PARP4: variants seen among roughly 807,000 people sequenced by gnomAD.
PARP4 encodes the protein protein mono-ADP-ribosyltransferase PARP4.
Under a neutral mutation model 187.7 loss-of-function variants are expected in PARP4, and 120 were observed. That is an observed-to-expected ratio of 0.64 (90% confidence interval 0.55 to 0.74). PARP4 has a LOEUF of 0.74. PARP4 is among the 30% of genes least tolerant of loss of function. PARP4 has a pLI of 0.00. For missense variants in PARP4, 1,836 were observed against 2,070.5 expected (o/e 0.89, Z 2.20); for synonymous variants, 654 against 740.9 (o/e 0.88, Z 1.90).
At chr13:24,431,316 A>G (rs1228948311) in intron 32 of PARP4, 61 bp downstream of exon 32, 2 of 876,712 alleles carry the variant, frequency 2.3e-6, no homozygotes, top group Non-Finnish European at 3.7e-6. Flanking sequence ...TACAACAATT[A>G]GGAGCATGCT....
chr13:24,428,088 GAC>G (rs1348446917), intron 32 of PARP4, among the ~76,000 whole-genome samples: 5 of 152,166 alleles, frequency 3.3e-5, no homozygotes, highest in African/African-American at 7.2e-5. Context: ...AGAGAAAAAA[GAC>G]AGCTTGAGAC....
rs781353598 is a variant in PARP4, at chr13:24,493,570, T to A, written c.879+26A>T. ...CAACCAGGAGGCAGATTTTTCACAT[T>A]CTGTTTCAGCGACACACCAACTTAC... On this transcript the variant is annotated intron_variant, in intron 8 of 33. Transcript: ENST00000381989. 15 of 1,588,542 alleles carry A rather than the reference T, an allele frequency of 9.4e-6. No individual in the cohort carries two copies. In the South Asian group the frequency reaches 1.5e-4, roughly 16 times the overall value.
At chr13:24,441,704 T>C in intron 30 of PARP4, 142 bp downstream of exon 30, 1 of 710,966 alleles carries the variant, frequency 1.4e-6, no homozygotes, top group South Asian at 2.0e-5. Flanking sequence ...CAACATTTTA[T>C]AAATGCATGA....
At chr13:24,465,105 T>A (rs907263726) in intron 17 of PARP4, among the ~76,000 whole-genome samples, 1 of 152,174 alleles carries the variant, frequency 6.6e-6, no homozygotes, top group African/African-American at 2.4e-5. Flanking sequence ...CTCATGCCAG[T>A]CAGAATGGCG....
At chr13:24,470,095 C>A in intron 15 of PARP4, 70 bp from the exon 16 acceptor site, 1 of 1,168,756 alleles carries the variant, frequency 8.6e-7, no homozygotes. Flanking sequence ...CAAGGACGAA[C>A]GAAAATGATT....
At chr13:24,445,044 C>A (rs1237504176) in intron 27 of PARP4, among the ~76,000 whole-genome samples, 1 of 152,142 alleles carries the variant, frequency 6.6e-6, no homozygotes, top group Non-Finnish European at 1.5e-5. Flanking sequence ...CTTCCCCTCA[C>A]CCTCCCACAA....
chr13:24,496,522 T>C (rs1211242382), intron 6 of PARP4, among the ~76,000 whole-genome samples: 1 of 152,174 alleles, frequency 6.6e-6, no homozygotes, highest in Non-Finnish European at 1.5e-5. Flanking sequence ...CTTGAGGGCA[T>C]CTGGAACCCG....
intron 17 of PARP4, among the ~76,000 whole-genome samples, chr13:24,466,796 C>CAAAAAAAA (rs34197201): frequency 0.012 from 1,081 of 90,572 alleles, 32 homozygotes; most frequent in African/African-American, 0.033. Context: ...GACTCTGTCT[C>CAAAAAAAA]AAAAAAAAAA....
Position 24,490,808 on chromosome 13 carries a change from A to G in PARP4, c.1074T>C (p.Asn358=), listed in dbSNP as rs781084635. The change falls in exon 10 of 34, where the codon AAT becomes AAC. Residue 358 remains asparagine (N), a synonymous_variant. Coordinates refer to ENST00000381989, the MANE Select transcript of PARP4 (RefSeq NM_006437.4). The stretch of plus-strand genomic sequence containing the variant: ...GTTTGGACAAATTAGTTTCACAGAC[A>G]TTAACCATGTCTCTTATTAGCTGTA... ...DLCQLIRDMV[N]VCETNLSKPN... The G allele has an allele frequency of 3.1e-6, 5 of 1,614,048 alleles. No homozygotes were observed. Among genetic ancestry groups the G allele is most frequent in the Non-Finnish European group, 4.2e-6 (5 of 1,179,960 alleles).
chr13:24,447,578 C>A (rs1165938622), intron 25 of PARP4, among the ~76,000 whole-genome samples: 2 of 152,194 alleles, frequency 1.3e-5, no homozygotes, highest in Admixed American at 6.5e-5. Context: ...CCAGGCTGGT[C>A]TCGAACTCCT....
chr13:24,486,502 TAGTAA>T (rs2137523975), intron 10 of PARP4, among the ~76,000 whole-genome samples, 197 bp from the exon 11 acceptor site: 1 of 152,370 alleles, frequency 6.6e-6, no homozygotes, highest in South Asian at 2.1e-4. Context: ...TAAGGATATG[TAGTAA>T]AGTATACAGT....
chr13:24,503,462 C>A (rs1869423183), intron 2 of PARP4, among the ~76,000 whole-genome samples, 183 bp downstream of exon 2: 1 of 152,188 alleles, frequency 6.6e-6, no homozygotes, highest in South Asian at 2.1e-4. Context: ...GGGGACAGGG[C>A]TGGGCCACCT....
At chr13:24,489,136 C>G (rs551233461) in intron 10 of PARP4, among the ~76,000 whole-genome samples, 2 of 152,204 alleles carry the variant, frequency 1.3e-5, no homozygotes, top group African/African-American at 4.8e-5. Flanking sequence ...TATTTGAGTA[C>G]TTGCTTTCAA....
intron 33 of PARP4, among the ~76,000 whole-genome samples, chr13:24,424,991 G>A (rs965602004): frequency 2.0e-5 from 3 of 150,996 alleles, no homozygotes; most frequent in Non-Finnish European, 2.9e-5. Flanking sequence ...CCAGTACTAT[G>A]TTTTAAATTC....
intron 6 of PARP4, among the ~76,000 whole-genome samples, chr13:24,497,884 A>C (rs1407419027): frequency 1.3e-5 from 2 of 152,218 alleles, no homozygotes; most frequent in Non-Finnish European, 2.9e-5. Flanking sequence ...CCAAAGAGAG[A>C]GGCCTCACTT....
intron 32 of PARP4, among the ~76,000 whole-genome samples, chr13:24,428,297 G>A (rs1377970801): frequency 6.6e-6 from 1 of 151,778 alleles, no homozygotes; most frequent in Non-Finnish European, 1.5e-5. Context: ...CGTCTTTGCT[G>A]TTTCTTGTCC....
chr13:24,503,979 T>C (rs1474028282), intron 1 of PARP4, among the ~76,000 whole-genome samples: 11 of 152,226 alleles, frequency 7.2e-5, no homozygotes, highest in African/African-American at 2.2e-4. Context: ...TTTCTAGCTT[T>C]TATGGTTGAT....
At chr13:24,480,803 A>G (rs1430677463) in intron 12 of PARP4, among the ~76,000 whole-genome samples, 1 of 152,258 alleles carries the variant, frequency 6.6e-6, no homozygotes, top group African/African-American at 2.4e-5. Flanking sequence ...AGCCATCTCT[A>G]TAACGTAACA....
In PARP4 at chr13:24,478,273, T is replaced by C; in HGVS notation, c.1452A>G (p.Thr484=). The C allele has an allele frequency of 1.9e-6, 3 of 1,598,502 alleles. No homozygotes were observed. Among genetic ancestry groups the C allele is most frequent in the East Asian group, 2.2e-5 (1 of 44,538 alleles). ...SGIYFSDSLS[T]SIKYSHPGET... ...CTCCCGGGTGTGAGTACTTGATACT[T>C]GTACTACATGCGAAAGGAAATAAAC... The change falls in exon 13 of 34, where the codon ACA becomes ACG. Residue 484 remains threonine (T), a synonymous_variant. Coordinates refer to ENST00000381989, the MANE Select transcript of PARP4 (RefSeq NM_006437.4).
Sources: gnomAD v4.1 joint callset for allele counts (sites outside exome capture counted in the v4.1 genomes callset) on GRCh38, gnomAD v4.1.1 for gene constraint, MANE v1.5 for transcripts, NCBI Gene and HGNC (gene_info 2026-07-23, HGNC 2026-07-21) for gene names.